The following CELF5 variants were observed in gnomAD, a reference collection of about 807,000 sequenced individuals.
CELF5 encodes the protein CUGBP Elav-like family member 5, also known as CUG-BP and ETR-3 like factor 5.
Under a neutral mutation model 54.9 loss-of-function variants are expected in CELF5, and 6 were observed. That is an observed-to-expected ratio of 0.11 (90% CI 0.06 to 0.22). The LOEUF is 0.22. Among genes scored for constraint, CELF5 ranks in the 10% least tolerant of loss-of-function variants. CELF5 has a pLI of 1.00. For synonymous variants in CELF5, 271 were observed against 290.9 expected, an observed-to-expected ratio of 0.93 and a Z score of 0.70; for missense variants, 401 against 678.6, an observed-to-expected ratio of 0.59 and a Z score of 4.54.
chr19:3,254,577 TCATC>T (rs548166304), intron 2 of CELF5, among the ~76,000 whole-genome samples: 1 of 147,108 alleles, frequency 6.8e-6, no homozygotes, highest in East Asian at 2.1e-4. Context: ...ACCCATCAAT[TCATC>T]CATCCATCCA....
At chr19:3,292,530 C>T (rs985248423) in intron 11 of CELF5, among the ~76,000 whole-genome samples, 1 of 152,044 alleles carries the variant, frequency 6.6e-6, no homozygotes, top group African/African-American at 2.4e-5. Flanking sequence ...GTGATCTGCC[C>T]GTCTTGGCCT....
chr19:3,290,506 C>T (rs1341716766), intron 11 of CELF5, 132 bp downstream of exon 11: 7 of 939,360 alleles, frequency 7.5e-6, no homozygotes, highest in East Asian at 2.5e-5. Context: ...AGCCTGTGGC[C>T]GGGCACAGTG....
chr19:3,238,777 C>A (rs1256527547), intron 1 of CELF5, among the ~76,000 whole-genome samples: 1 of 151,998 alleles, frequency 6.6e-6, no homozygotes, highest in Non-Finnish European at 1.5e-5. Context: ...ACTAAAAATA[C>A]AAAATTAGCA....
Position 3,245,211 on chromosome 19 carries a change from A to T in CELF5, c.260-5774A>T, listed in dbSNP as rs2079549081. Among the ~76,000 whole-genome samples the T allele has an allele frequency of 2.3e-5, 3 of 128,926 alleles. No homozygotes were observed. In the Admixed American group the frequency reaches 2.4e-4, roughly 10 times the overall value. The allele number at this position is 128,926 out of a possible 152,430, so 84.6% of individuals were successfully genotyped here. The stretch of plus-strand genomic sequence containing the variant: ...GTGTGGTGTGTGTTTGCATCTGTGC[A>T]TGTGTGGGTGTGTGATGTGTATATG... On this transcript the variant is annotated intron_variant, in intron 1 of 12. Coordinates refer to ENST00000292672, the MANE Select transcript of CELF5 (RefSeq NM_021938.4).
intron 12 of CELF5, chr19:3,294,230 A>C (rs1330524643): frequency 1.3e-5 from 2 of 152,172 alleles, no homozygotes; most frequent in African/African-American, 4.8e-5. Flanking sequence ...TTGTGGGGCC[A>C]CTGTGGAAAC....
intron 5 of CELF5, among the ~76,000 whole-genome samples, chr19:3,279,171 G>A (rs903638461): frequency 6.6e-6 from 1 of 152,110 alleles, no homozygotes; most frequent in African/African-American, 2.4e-5. Context: ...ACAGGGAGGA[G>A]GGCTGATCAG....
At chr19:3,259,323 G>A (rs996441251) in intron 2 of CELF5, among the ~76,000 whole-genome samples, 3 of 152,110 alleles carry the variant, frequency 2.0e-5, no homozygotes, top group African/African-American at 4.8e-5. Context: ...TGGTTGTCAC[G>A]ACTTGGGGAG....
intron 1 of CELF5, among the ~76,000 whole-genome samples, chr19:3,229,980 C>T (rs964387426): frequency 2.0e-5 from 3 of 152,076 alleles, no homozygotes; most frequent in African/African-American, 4.8e-5. Flanking sequence ...GGGCTGGACC[C>T]GGGAGGTTAT....
chr19:3,263,906 AAAAT>A (rs552901268), intron 2 of CELF5, among the ~76,000 whole-genome samples: 1 of 152,136 alleles, frequency 6.6e-6, no homozygotes, highest in East Asian at 1.9e-4. Context: ...CTCAGTCTCG[AAAAT>A]AAATAAATAA....
intron 11 of CELF5, 92 bp downstream of exon 11, chr19:3,290,466 G>A: frequency 7.1e-7 from 1 of 1,413,412 alleles, no homozygotes; most frequent in Non-Finnish European, 9.9e-7. Context: ...CTCGGGACAG[G>A]GCTGTGCTGA....
At chr19:3,237,913 G>A (rs2079439060) in intron 1 of CELF5, among the ~76,000 whole-genome samples, 1 of 151,864 alleles carries the variant, frequency 6.6e-6, no homozygotes, top group Non-Finnish European at 1.5e-5. Context: ...GCCGGGCCTG[G>A]TGGCGGGCGC....
rs151112357 is a variant in CELF5, at chr19:3,250,978, C to A, written c.260-7C>A. On this transcript the variant is annotated splice_region_variant and splice_polypyrimidine_tract_variant and intron_variant, in intron 1 of 12. Transcript: ENST00000292672. Reference sequence around the variant, plus strand: ...TCTCTTAACACCCCCGTTTCTCTCCCTTCCAGGCTGTGCCTTCCTCACCTA... The same window carrying A: ...TCTCTTAACACCCCCGTTTCTCTCCATTCCAGGCTGTGCCTTCCTCACCTA... 1,278 of 1,612,710 alleles carry A rather than the reference C, an allele frequency of 7.9e-4. 13 individuals are homozygous for A. In the African/African-American group the frequency reaches 0.015, roughly 19 times the overall value.
intron 11 of CELF5, among the ~76,000 whole-genome samples, chr19:3,292,685 A>T (rs2080371787): frequency 6.6e-6 from 1 of 152,038 alleles, no homozygotes; most frequent in African/African-American, 2.4e-5. Context: ...GGAGAGGGAG[A>T]GGAAGAAAAG....
intron 3 of CELF5, among the ~76,000 whole-genome samples, chr19:3,274,360 G>A (rs1474135524): frequency 6.6e-6 from 1 of 152,228 alleles, no homozygotes; most frequent in African/African-American, 2.4e-5. Context: ...GTGCACACCT[G>A]GCATGCCTGT....
At chr19:3,279,892 G>A (rs907550103) in intron 5 of CELF5, among the ~76,000 whole-genome samples, 3 of 152,080 alleles carry the variant, frequency 2.0e-5, no homozygotes, top group African/African-American at 4.8e-5. Context: ...TAGTAGAGAC[G>A]GGGTTTCACC....
intron 2 of CELF5, among the ~76,000 whole-genome samples, chr19:3,251,836 G>A (rs377320355): frequency 2.0e-5 from 3 of 151,724 alleles, no homozygotes; most frequent in South Asian, 2.1e-4. Context: ...CACCATGCCT[G>A]GCTAATTTTT....
chr19:3,278,679 T>TTGTGTGTGTG lies in CELF5; in HGVS notation c.603+581_603+590dup, dbSNP rs3046138. On this transcript the variant is annotated intron_variant, in intron 5 of 12. Coordinates refer to ENST00000292672, the MANE Select transcript of CELF5 (RefSeq NM_021938.4). The surrounding 1 kb of genome is among the most constrained non-coding windows in gnomAD (Gnocchi z 4.5). Reference sequence around the variant, plus strand: ...TCTGCAGGTGCATTTGTGGGCAGGTTTGTGTGTGTGTGTGTGTGTGTTTGT... The same window carrying TTGTGTGTGTG: ...TCTGCAGGTGCATTTGTGGGCAGGTTTGTGTGTGTGTGTGTGTGTGTGTGTGTGTGTTTGT... Among the ~76,000 whole-genome samples, 1 of 148,892 alleles carries TTGTGTGTGTG rather than the reference T, an allele frequency of 6.7e-6. No homozygotes were observed. Among genetic ancestry groups the TTGTGTGTGTG allele is most frequent in the African/African-American group, 2.5e-5 (1 of 40,384 alleles).
intron 1 of CELF5, among the ~76,000 whole-genome samples, chr19:3,243,206 T>C (rs540444478): frequency 1.3e-5 from 2 of 152,136 alleles, no homozygotes; most frequent in Non-Finnish European, 1.5e-5. Flanking sequence ...TGTTTTGGGG[T>C]ATTTGTGTAT....
chr19:3,293,589 T>A, intron 12 of CELF5, 103 bp downstream of exon 12: 1 of 1,019,868 alleles, frequency 9.8e-7, no homozygotes, highest in Non-Finnish European at 1.4e-6. Flanking sequence ...GGTGGGGTGA[T>A]GCTTCAAGAG....
Sources: allele counts gnomAD v4.1 joint callset (sites outside exome capture counted in the v4.1 genomes callset), GRCh38; gene constraint gnomAD v4.1.1; non-coding constraint Gnocchi (gnomAD v3.1); transcripts MANE v1.5; gene names NCBI Gene and HGNC (gene_info 2026-07-23, HGNC 2026-07-21).